Variants in SPIRE1 observed in about 807,000 individuals in gnomAD.
SPIRE1 encodes the protein spire type actin nucleation factor 1.
A neutral mutation model predicts 94.1 loss-of-function variants in SPIRE1; 40 were observed. That is an observed-to-expected ratio of 0.43 (90% CI 0.33 to 0.55). The LOEUF (loss-of-function observed/expected upper bound fraction) is 0.55. SPIRE1 is among the 20% of genes least tolerant of loss of function. The pLI, the probability that SPIRE1 is intolerant of heterozygous loss-of-function variation, is 0.06. For missense variants in SPIRE1, 838 were observed against 975.2 expected (o/e 0.86, Z 1.87); for synonymous variants, 376 against 371.7 (o/e 1.01, Z -0.13).
At chr18:12,579,258 A>G (rs2036197406) in intron 2 of SPIRE1, among the ~76,000 whole-genome samples, 1 of 151,696 alleles carries the variant, frequency 6.6e-6, no homozygotes, top group Non-Finnish European at 1.5e-5. Context: ...AATGAAGCCT[A>G]TTTTAAAACG....
chr18:12,624,606 C>G (rs2037569746), intron 2 of SPIRE1, among the ~76,000 whole-genome samples: 1 of 148,668 alleles, frequency 6.7e-6, no homozygotes. Flanking sequence ...TTAAGCTACC[C>G]ATATAGTAAA....
At chr18:12,543,852 C>T (rs981538494) in intron 3 of SPIRE1, among the ~76,000 whole-genome samples, 9 of 152,200 alleles carry the variant, frequency 5.9e-5, no homozygotes, top group African/African-American at 9.6e-5. Flanking sequence ...TCTCTTCCAA[C>T]AAAGTAAACA....
intron 2 of SPIRE1, among the ~76,000 whole-genome samples, chr18:12,571,576 T>G (rs1447982033): frequency 5.3e-5 from 8 of 152,220 alleles, no homozygotes. Flanking sequence ...TGACACTGAT[T>G]GCAACCTAAC....
chr18:12,460,962 C>T (rs2031768788), intron 12 of SPIRE1, among the ~76,000 whole-genome samples: 1 of 152,150 alleles, frequency 6.6e-6, no homozygotes, highest in Non-Finnish European at 1.5e-5. Flanking sequence ...GTGGACTCTG[C>T]TCCCTGCCCT....
chr18:12,575,351 C>A (rs1310509788), intron 2 of SPIRE1, among the ~76,000 whole-genome samples: 1 of 151,912 alleles, frequency 6.6e-6, no homozygotes, highest in Non-Finnish European at 1.5e-5. Context: ...AAAGAAAAAT[C>A]TTCCCCTGAA....
At chr18:12,515,523 AT>A (rs1217286323) in intron 4 of SPIRE1, among the ~76,000 whole-genome samples, 1 of 152,200 alleles carries the variant, frequency 6.6e-6, no homozygotes, top group African/African-American at 2.4e-5. Flanking sequence ...TCTCAAAAAA[AT>A]AAAACAAAAT....
chr18:12,639,264 C>CAA (rs34966222), intron 1 of SPIRE1, among the ~76,000 whole-genome samples: 1 of 144,636 alleles, frequency 6.9e-6, no homozygotes, highest in East Asian at 2.0e-4. Context: ...CACTCCATCT[C>CAA]AAAAAAAAAA....
chr18:12,469,765 C>T (rs1052346688), intron 10 of SPIRE1, among the ~76,000 whole-genome samples: 1 of 142,954 alleles, frequency 7.0e-6, no homozygotes, highest in East Asian at 2.0e-4. Flanking sequence ...TATATATACA[C>T]ATATACACTT....
chr18:12,567,404 C>T (rs1003271709), intron 2 of SPIRE1, among the ~76,000 whole-genome samples: 1 of 152,194 alleles, frequency 6.6e-6, no homozygotes, highest in Non-Finnish European at 1.5e-5. Flanking sequence ...GCTTGATCTA[C>T]AGATTCAATG....
chr18:12,562,907 T>C (rs1203682076), intron 2 of SPIRE1, among the ~76,000 whole-genome samples: 1 of 152,224 alleles, frequency 6.6e-6, no homozygotes, highest in Non-Finnish European at 1.5e-5. Context: ...TATAGTTTCA[T>C]GTATATGCTT....
Position 12,592,994 on chromosome 18 carries a change from G to T in SPIRE1, c.372+42068C>A, listed in dbSNP as rs149982246. Among the ~76,000 whole-genome samples, 1,473 of 152,340 alleles carry T rather than the reference G, an allele frequency of 9.7e-3. 12 individuals carry two copies. Among genetic ancestry groups the T allele is most frequent in the Non-Finnish European group, 0.017 (1,136 of 68,040 alleles). On this transcript the variant is annotated intron_variant, in intron 2 of 16. Coordinates refer to ENST00000409402, the MANE Select transcript of SPIRE1 (RefSeq NM_001128626.2). ...CTACAGGCGCAAGCCACCACACCTA[G>T]CTAAGTGGTTTTACTGTCTAATGTT...
At chr18:12,540,819 T>C (rs536417521) in intron 3 of SPIRE1, among the ~76,000 whole-genome samples, 29 of 152,374 alleles carry the variant, frequency 1.9e-4, no homozygotes, top group African/African-American at 7.0e-4. Context: ...AGATATTAAA[T>C]GGAAAATTCC....
intron 5 of SPIRE1, 127 bp downstream of exon 5, chr18:12,512,327 C>A: frequency 1.6e-6 from 1 of 613,046 alleles, no homozygotes; most frequent in Non-Finnish European, 2.8e-6. Flanking sequence ...GTGGGGGTTG[C>A]AGTGAGCTGA....
chr18:12,635,535 GT>G (rs2037898315), intron 1 of SPIRE1, among the ~76,000 whole-genome samples: 1 of 152,186 alleles, frequency 6.6e-6, no homozygotes, highest in African/African-American at 2.4e-5. Context: ...AAGGAATAAT[GT>G]TTAAATTCAT....
chr18:12,520,060 C>T (rs1440705558), intron 4 of SPIRE1, among the ~76,000 whole-genome samples: 2 of 152,036 alleles, frequency 1.3e-5, no homozygotes, highest in East Asian at 3.9e-4. Flanking sequence ...TAGTTAAACT[C>T]ATTACACCAT....
intron 7 of SPIRE1, among the ~76,000 whole-genome samples, chr18:12,493,552 G>A (rs759505694): frequency 9.2e-5 from 14 of 152,252 alleles, no homozygotes; most frequent in African/African-American, 1.2e-4. Flanking sequence ...GATTACAGGC[G>A]TGTGCCAACA....
At position 12,506,486 on chromosome 18, in the gene SPIRE1, T is replaced by C. The variant is rs749330992; in HGVS notation, c.963A>G (p.Arg321=). 6.2e-7 allele frequency: 1 copy of C among 1,614,040 alleles called. No homozygotes were observed. Among genetic ancestry groups the C allele is most frequent in the South Asian group, 1.1e-5 (1 of 91,060 alleles). Residue 321 remains arginine, a synonymous_variant, in exon 6 of 17, where the codon CGA becomes CGG. Transcript: ENST00000409402. Reference sequence around the variant, plus strand: ...CAGCTTGGTTACTTACCATCACTTTTCGCAAGGTGTATCTTTTGCAGCGAA... The same window carrying C: ...CAGCTTGGTTACTTACCATCACTTTCCGCAAGGTGTATCTTTTGCAGCGAA... ...DDIRCKRYTL[R]KVMVNGDIPP... is the part of the protein sequence containing the mutation.
chr18:12,659,222 T>C (rs1236676743), upstream of SPIRE1, among the ~76,000 whole-genome samples: 1 of 152,072 alleles, frequency 6.6e-6, no homozygotes, highest in African/African-American at 2.4e-5. Context: ...ATGTAAAATG[T>C]TAGAAATCAC....
chr18:12,561,067 T>C (rs557132509), intron 2 of SPIRE1, among the ~76,000 whole-genome samples: 7 of 152,290 alleles, frequency 4.6e-5, no homozygotes, highest in Admixed American at 2.0e-4. Context: ...TGGATGTCTG[T>C]ATCAAAATAT....
Sources: allele counts gnomAD v4.1 joint callset (sites outside exome capture counted in the v4.1 genomes callset), GRCh38; gene constraint gnomAD v4.1.1; transcripts MANE v1.5; gene names NCBI Gene and HGNC (gene_info 2026-07-23, HGNC 2026-07-21).